NSMCE4A: variants seen among roughly 807,000 people sequenced by gnomAD.
The protein encoded by NSMCE4A is NSE4A component of SMC5/6 complex, also known as non-structural maintenance of chromosomes element 4 homolog A.
In NSMCE4A, 40 loss-of-function variants were observed where a neutral mutation model predicts 47.9. The observed-to-expected ratio is 0.83, with a 90% confidence interval of 0.65 to 1.09. The LOEUF is 1.09. Ranked by LOEUF, NSMCE4A falls within the 50% of genes least tolerant of loss-of-function variation. The pLI is 0.00. For missense variants in NSMCE4A, 500 were observed against 507.0 expected (o/e 0.99, Z 0.13); for synonymous variants, 166 against 178.5 (o/e 0.93, Z 0.56).
In NSMCE4A at chr10:121,965,344, C is replaced by G; in HGVS notation, c.695G>C (p.Arg232Pro). 6.2e-7 allele frequency: 1 copy of G among 1,613,950 alleles called. No homozygotes were observed. The highest frequency in any genetic ancestry group is 8.5e-7 in the Non-Finnish European group (1 of 1,179,908). ...AGGAACTTTTCTTGGACGATCAACT[C>G]GTGGCTTTGGCACAGGGCACTCTCC... ...IYGECPVPKP[R>P]VDRPRKVPVI... Residue 232 changes from arginine (R) to proline (P), a missense_variant, in exon 5 of 11, where the codon CGA (arginine) becomes CCA (proline). Physicochemically the swap from Arg to Pro is moderately radical, Grantham distance 103 (BLOSUM62 -2). Transcript: ENST00000369023.
chr10:121,974,847 C>A, intron 1 of NSMCE4A, 27 bp downstream of exon 1: 1 of 1,437,810 alleles, frequency 7.0e-7, no homozygotes, highest in South Asian at 1.4e-5. Context: ...CCGTCCGGGC[C>A]CGCGCCGCCC....
intron 10 of NSMCE4A, among the ~76,000 whole-genome samples, chr10:121,958,746 A>AT (rs1227422738): frequency 2.0e-5 from 3 of 151,948 alleles, no homozygotes; most frequent in Non-Finnish European, 2.9e-5. Context: ...CCCCTTCCCT[A>AT]TTTTTTATTA....
chr10:121,974,537 C>A lies in NSMCE4A; in HGVS notation c.292+337G>T, dbSNP rs545513180. On this transcript the variant is annotated intron_variant, in intron 1 of 10. Transcript: ENST00000369023. The stretch of plus-strand genomic sequence containing the variant: ...CCGCTGCGAGGCCGGGAGCCCACGC[C>A]GAGGACTGCCGGGCGCAATCAAAGC... The A allele has an allele frequency of 2.4e-5, 24 of 1,011,762 alleles. No individual in the cohort carries two copies. In the South Asian group the frequency reaches 1.1e-3, roughly 45 times the overall value. The allele number at this position is 1,011,762 out of a possible 1,614,324, so 62.7% of individuals were successfully genotyped here.
In NSMCE4A at chr10:121,961,468, G is replaced by T; in HGVS notation, c.894C>A (p.Phe298Leu). The change falls in exon 7 of 11, where the codon TTC becomes TTA. Residue 298 changes from phenylalanine (F) to leucine (L), a missense_variant. Coordinates refer to ENST00000369023, the MANE Select transcript of NSMCE4A (RefSeq NM_017615.3). ...FFDFVVDPHS[F>L]PRTVENIFHV... ...GAAAGATGTTTTCCACTGTACGGGG[G>T]AAAGAATGAGGATCAACCACAAAGT... 1.3e-6 allele frequency: 2 copies of T among 1,574,656 alleles called. No homozygotes were observed. Among genetic ancestry groups the T allele is most frequent in the Non-Finnish European group, 1.7e-6 (2 of 1,169,240 alleles).
At chr10:121,963,369 G>A in intron 5 of NSMCE4A, 41 bp from the exon 6 acceptor site, 1 of 1,160,428 alleles carries the variant, frequency 8.6e-7, no homozygotes. Context: ...CTACTTACTG[G>A]CCTATTAACG....
At chr10:121,965,443 A>T in intron 4 of NSMCE4A, 58 bp from the exon 5 acceptor site, 4 of 1,302,530 alleles carry the variant, frequency 3.1e-6, no homozygotes, top group Non-Finnish European at 4.4e-6. Flanking sequence ...AAACAAACTA[A>T]CTTTACTAAC....
rs1225518580 is a variant in NSMCE4A, at chr10:121,974,305, C to T, written c.293-224G>A. On this transcript the variant is annotated intron_variant, in intron 1 of 10. Coordinates refer to ENST00000369023, the MANE Select transcript of NSMCE4A (RefSeq NM_017615.3). ...AAAAGGAAACCCTAGCTCCCTCTAA[C>T]CTTAACCCAAAGGGCTGGACTCCGG... is the stretch of plus-strand genomic sequence containing the variant. 8 of 1,349,838 alleles carry T rather than the reference C, an allele frequency of 5.9e-6. No individual in the cohort carries two copies. In the East Asian group the frequency reaches 2.2e-4, roughly 38 times the overall value. The allele number at this position is 1,349,838 out of a possible 1,614,324, so 83.6% of individuals were successfully genotyped here. A position where few individuals can be genotyped will look rare whatever the true frequency, so the allele number is the denominator to read the frequency against.
rs763322697 is a variant in NSMCE4A at position 121,961,459 on chromosome 10, T to C, written c.903A>G (p.Thr301=). Residue 301 remains threonine, a synonymous_variant, in exon 7 of 11, where the codon ACA becomes ACG. Coordinates refer to ENST00000369023, the MANE Select transcript of NSMCE4A (RefSeq NM_017615.3). The part of the protein sequence containing the change: ...FVVDPHSFPR[T]VENIFHVSFI... ...AGGAAACATGAAAGATGTTTTCCAC[T>C]GTACGGGGGAAAGAATGAGGATCAA... 1.3e-6 allele frequency: 2 copies of C among 1,577,392 alleles called. No individual in the cohort carries two copies. The highest frequency in any genetic ancestry group is 2.4e-5 in the South Asian group (2 of 84,116).
intron 3 of NSMCE4A, among the ~76,000 whole-genome samples, chr10:121,969,474 G>C (rs1290955678): frequency 6.9e-6 from 1 of 145,460 alleles, no homozygotes; most frequent in African/African-American, 2.6e-5. Context: ...TTTCCTAAGT[G>C]CATTATGTTT....
In NSMCE4A at chr10:121,960,605, C is replaced by T. The variant is rs902901012; in HGVS notation, c.940-199G>A. On this transcript the variant is annotated intron_variant, in intron 7 of 10. Transcript: ENST00000369023. This position sits in a 1 kb window ranked among gnomAD's most constrained non-coding sequence, Gnocchi z 4.2. Reference sequence around the variant, plus strand: ...GGTATCTTTGGGTTTCTAATCAGCTCTTTCACCCAGACACAGCCTCCATCC... The same window carrying T: ...GGTATCTTTGGGTTTCTAATCAGCTTTTTCACCCAGACACAGCCTCCATCC... Among the ~76,000 whole-genome samples, 6 of 152,188 alleles carry T rather than the reference C, an allele frequency of 3.9e-5. No homozygotes were observed. Among genetic ancestry groups the T allele is most frequent in the African/African-American group, 1.4e-4 (6 of 41,454 alleles).
intron 1 of NSMCE4A, chr10:121,974,328 CG>C (rs1952774904): frequency 1.5e-6 from 2 of 1,293,260 alleles, no homozygotes; most frequent in African/African-American, 3.0e-5. Flanking sequence ...GGCTGGACTC[CG>C]GCTGCAGCCT....
At position 121,974,064 on chromosome 10, in the gene NSMCE4A, G is replaced by C; in HGVS notation, c.310C>G (p.Leu104Val). The C allele has an allele frequency of 1.2e-6, 2 of 1,605,438 alleles. No individual in the cohort carries two copies. Among genetic ancestry groups the C allele is most frequent in the South Asian group, 2.2e-5 (2 of 89,976 alleles). ...NSVQQNREDILNAGDKLTEVL... is the reference protein window; with the variant it reads ...NSVQQNREDIVNAGDKLTEVL... ...TCTGTTAATTTGTCACCGGCATTCA[G>C]TATGTCCTCACGGTTTTCTATTTTT... The change falls in exon 2 of 11, where the codon CTG (leucine) becomes GTG (valine). Residue 104 changes from leucine to valine, a missense_variant. Transcript: ENST00000369023.
rs756660926 is a variant in NSMCE4A at position 121,959,483 on chromosome 10, C to T, written c.1083+18G>A. 1.2e-6 allele frequency: 2 copies of T among 1,612,576 alleles called. No homozygotes were observed. Among genetic ancestry groups the T allele is most frequent in the Non-Finnish European group, 1.7e-6 (2 of 1,178,614 alleles). Reference sequence around the variant, plus strand: ...AGGCAGAGTCAGAACTATGCAGGGGCAACAGGCAGAGCTTTACCTCCCAGT... The same window carrying T: ...AGGCAGAGTCAGAACTATGCAGGGGTAACAGGCAGAGCTTTACCTCCCAGT... On this transcript the variant is annotated intron_variant, in intron 9 of 10. Coordinates refer to ENST00000369023, the MANE Select transcript of NSMCE4A (RefSeq NM_017615.3).
Position 121,971,021 on chromosome 10 carries a change from G to A in NSMCE4A, c.419C>T (p.Ala140Val). 6.2e-7 allele frequency: 1 copy of A among 1,613,964 alleles called. No individual in the cohort carries two copies. Among genetic ancestry groups the A allele is most frequent in the Non-Finnish European group, 8.5e-7 (1 of 1,179,896 alleles). ...AVLDAHFLVL[A>V]SDLGKEKAKQ... Reference sequence around the variant, plus strand: ...TGCTTTCTCTTTGCCCAAATCTGAAGCCAAAACAAGAAAGTGGGCATCCAG... The same window carrying A: ...TGCTTTCTCTTTGCCCAAATCTGAAACCAAAACAAGAAAGTGGGCATCCAG... The change falls in exon 3 of 11, where the codon GCT (alanine) becomes GTT (valine). Residue 140 changes from alanine to valine, a missense_variant. Ala to Val is a moderately conservative substitution (Grantham distance 64). Transcript: ENST00000369023.
At chr10:121,961,301 G>C in intron 7 of NSMCE4A, 122 bp downstream of exon 7, 1 of 541,322 alleles carries the variant, frequency 1.8e-6, no homozygotes, top group Non-Finnish European at 3.2e-6. Context: ...TTGCTACAAT[G>C]GGTCTGAAAC....
In NSMCE4A at chr10:121,967,806, G is replaced by A; in HGVS notation, c.502C>T (p.Leu168Phe). The A allele has an allele frequency of 6.3e-7, 1 of 1,595,164 alleles. No individual in the cohort carries two copies. The highest frequency in any genetic ancestry group is 8.5e-7 in the Non-Finnish European group (1 of 1,175,354). Residue 168 changes from leucine (L) to phenylalanine (F), a missense_variant and splice_region_variant, in exon 4 of 11, where the codon CTC (leucine) becomes TTC (phenylalanine). Coordinates refer to ENST00000369023, the MANE Select transcript of NSMCE4A (RefSeq NM_017615.3). ...FDMLRYVETL[L>F]THMGVNPLEA... ...AGCGGATTTACACCCATATGTGTGA[G>A]CTACAAAAATGAAGGAAAACAAAAA...
At position 121,975,191 on chromosome 10, in the gene NSMCE4A, G is replaced by C. The variant is rs1444672210; in HGVS notation, c.-26C>G. 2 of 1,353,172 alleles carry C rather than the reference G, an allele frequency of 1.5e-6. No individual in the cohort carries two copies. The highest frequency in any genetic ancestry group is 1.9e-6 in the Non-Finnish European group (2 of 1,058,232). 83.8% of individuals were successfully genotyped at this position (1,353,172 alleles called of 1,614,324 possible). ...AGCGCCAATTCACCGTGCAACTTCG[G>C]AACGGCGGAAGTTCGCGCCAGAAAC... is the stretch of plus-strand genomic sequence containing the variant. On this transcript the variant is annotated 5_prime_UTR_variant, in exon 1 of 11. Coordinates refer to ENST00000369023, the MANE Select transcript of NSMCE4A (RefSeq NM_017615.3).
intron 1 of NSMCE4A, 33 bp downstream of exon 1, chr10:121,974,841 C>T (rs763410091): frequency 2.8e-6 from 4 of 1,407,202 alleles, no homozygotes; most frequent in Middle Eastern, 2.5e-4. Flanking sequence ...AGCGGCCCGT[C>T]CGGGCCCGCG....
intron 4 of NSMCE4A, chr10:121,966,955 C>A (rs1952618036): frequency 6.6e-6 from 1 of 152,144 alleles, no homozygotes; most frequent in Non-Finnish European, 1.5e-5. Flanking sequence ...TCTTCAAATA[C>A]AAGTCAGTGG....
Sources: gnomAD v4.1 joint callset for allele counts (sites outside exome capture counted in the v4.1 genomes callset) on GRCh38, gnomAD v4.1.1 for gene constraint, Gnocchi (gnomAD v3.1) non-coding constraint, MANE v1.5 for transcripts, NCBI Gene and HGNC (gene_info 2026-07-23, HGNC 2026-07-21) for gene names.